The following RGS20 variants were observed in gnomAD, a reference collection of about 807,000 sequenced individuals.
RGS20 encodes gz-selective GTPase-activating protein.
RGS20 carries 30 observed loss-of-function variants against 33.6 expected under a neutral mutation model. That is an observed-to-expected ratio of 0.89 (90% CI 0.67 to 1.21). The LOEUF (loss-of-function observed/expected upper bound fraction) is 1.21. Among genes scored for constraint, RGS20 ranks in the 50% most tolerant of loss-of-function variants. The pLI, the probability that RGS20 is intolerant of heterozygous loss-of-function variation, is 0.00. For missense variants in RGS20, 472 were observed against 502.4 expected (o/e 0.94, Z 0.58); for synonymous variants, 208 against 197.9 (o/e 1.05, Z -0.43).
chr8:53,921,793 C>A (rs1396681660), intron 2 of RGS20, among the ~76,000 whole-genome samples: 7 of 152,036 alleles, frequency 4.6e-5, no homozygotes, highest in Non-Finnish European at 1.0e-4. Flanking sequence ...AAATAACTAA[C>A]TTTTGGTTTC....
intron 2 of RGS20, among the ~76,000 whole-genome samples, chr8:53,938,184 C>G (rs1814189384): frequency 6.6e-6 from 1 of 152,146 alleles, no homozygotes; most frequent in Admixed American, 6.5e-5. Context: ...ACATATACAC[C>G]ATGGAATTCT....
intron 2 of RGS20, among the ~76,000 whole-genome samples, chr8:53,903,876 G>A (rs1813096284): frequency 6.6e-6 from 1 of 152,154 alleles, no homozygotes; most frequent in Non-Finnish European, 1.5e-5. Flanking sequence ...TGGAGGCAGA[G>A]TGAGTGGCTG....
At chr8:53,952,088 A>AT (rs1208351643) in intron 4 of RGS20, among the ~76,000 whole-genome samples, 1 of 147,192 alleles carries the variant, frequency 6.8e-6, no homozygotes, top group Non-Finnish European at 1.5e-5. Context: ...CATCATTATT[A>AT]TTTTTTTGAG....
chr8:53,912,151 G>A (rs1443896603), intron 2 of RGS20, among the ~76,000 whole-genome samples: 2 of 152,086 alleles, frequency 1.3e-5, no homozygotes, highest in Admixed American at 6.6e-5. Context: ...GCTATGTGTT[G>A]CAAGCACATT....
At chr8:53,943,122 G>A (rs2129290711) in intron 3 of RGS20, among the ~76,000 whole-genome samples, 1 of 152,270 alleles carries the variant, frequency 6.6e-6, no homozygotes. Context: ...TTATGAATTG[G>A]AATGGTAAAC....
At chr8:53,947,714 C>T (rs7386153) in intron 4 of RGS20, among the ~76,000 whole-genome samples, 266 of 94,632 alleles carry the variant, frequency 2.8e-3, no homozygotes, top group African/African-American at 0.01. Flanking sequence ...GGATATAGTA[C>T]ATACATTTAT....
At chr8:53,947,647 A>T (rs1391695736) in intron 4 of RGS20, among the ~76,000 whole-genome samples, 1 of 94,596 alleles carries the variant, frequency 1.1e-5, no homozygotes, top group Non-Finnish European at 2.0e-5. Flanking sequence ...TATAGTACAT[A>T]CATTTATATA....
In RGS20 at chr8:53,954,183, TC is replaced by T; in HGVS notation, c.852del (p.Phe284LeufsTer15). ...TTCCGTGAATTCCTCCGAACAGAAT[TC>T]AGTGAGGAAAATATGCTCTTCTGGA... On this transcript the variant is annotated frameshift_variant, in exon 5 of 6. Coordinates refer to ENST00000297313, the MANE Select transcript of RGS20 (RefSeq NM_170587.4). LOFTEE classifies it high-confidence loss of function. 1 of 1,613,964 alleles carries T rather than the reference TC, an allele frequency of 6.2e-7. No individual in the cohort carries two copies. The highest frequency in any genetic ancestry group is 8.5e-7 in the Non-Finnish European group (1 of 1,179,888).
chr8:53,875,444 A>AAC (rs1812181409), intron 1 of RGS20, among the ~76,000 whole-genome samples: 1 of 147,934 alleles, frequency 6.8e-6, no homozygotes, highest in Non-Finnish European at 1.5e-5. Context: ...AAAAAAAAAA[A>AAC]AAAAAACCAA....
chr8:53,936,995 A>G (rs1211208314), intron 2 of RGS20, among the ~76,000 whole-genome samples: 1 of 152,220 alleles, frequency 6.6e-6, no homozygotes. Context: ...GCCATGGGGA[A>G]AGGATTCCCT....
At chr8:53,923,270 G>A (rs902251639) in intron 2 of RGS20, among the ~76,000 whole-genome samples, 3 of 150,546 alleles carry the variant, frequency 2.0e-5, no homozygotes, top group African/African-American at 7.5e-5. Context: ...AAAGAAACAA[G>A]AGCAGAAATA....
In RGS20 at chr8:53,932,149, T is replaced by C. The variant is rs574834686; in HGVS notation, c.511-7427T>C. Reference sequence around the variant, plus strand: ...TGCTGTTAGTCTGATGGGCTTCCCTTTGTGGGTAACCCGACCTTTCTCTCT... The same window carrying C: ...TGCTGTTAGTCTGATGGGCTTCCCTCTGTGGGTAACCCGACCTTTCTCTCT... On this transcript the variant is annotated intron_variant, in intron 2 of 5. Coordinates refer to ENST00000297313, the MANE Select transcript of RGS20 (RefSeq NM_170587.4). 3.3e-5 allele frequency among the ~76,000 whole-genome samples: 5 copies of C among 152,340 alleles called. No individual in the cohort carries two copies. In the East Asian group the frequency reaches 7.7e-4, roughly 24 times the overall value.
At chr8:53,949,267 A>ATG (rs1450908683) in intron 4 of RGS20, among the ~76,000 whole-genome samples, 42 of 147,876 alleles carry the variant, frequency 2.8e-4, no homozygotes, top group African/African-American at 9.6e-4. Flanking sequence ...TATATACTAT[A>ATG]TATAAGATAC....
chr8:53,890,414 A>G (rs998797870), intron 2 of RGS20, among the ~76,000 whole-genome samples: 4 of 152,148 alleles, frequency 2.6e-5, no homozygotes, highest in African/African-American at 7.2e-5. Context: ...GTGTGCCTGT[A>G]TCCATTTTTT....
chr8:53,920,310 C>T (rs1455907934), intron 2 of RGS20, among the ~76,000 whole-genome samples: 1 of 152,044 alleles, frequency 6.6e-6, no homozygotes, highest in Non-Finnish European at 1.5e-5. Flanking sequence ...TATATCACTT[C>T]CAGAATGTTC....
chr8:53,945,897 A>AC (rs913891543), intron 3 of RGS20, among the ~76,000 whole-genome samples: 8 of 152,132 alleles, frequency 5.3e-5, no homozygotes, highest in Non-Finnish European at 1.0e-4. Context: ...CAAAAAAAAA[A>AC]AAATAGCATT....
chr8:53,953,443 C>T (rs886319591), intron 4 of RGS20, among the ~76,000 whole-genome samples: 1 of 151,834 alleles, frequency 6.6e-6, no homozygotes, highest in Non-Finnish European at 1.5e-5. Flanking sequence ...ATCATATGAG[C>T]CTAGTAAGTC....
At chr8:53,950,147 A>G (rs1053059796) in intron 4 of RGS20, among the ~76,000 whole-genome samples, 2 of 152,170 alleles carry the variant, frequency 1.3e-5, no homozygotes, top group Non-Finnish European at 2.9e-5. Flanking sequence ...GCGTGTTAAC[A>G]CATTTCTTTA....
chr8:53,871,112 CAAAAAAAAAAA>C (rs370091533), intron 1 of RGS20, among the ~76,000 whole-genome samples: 1,134 of 21,504 alleles, frequency 0.053, 28 homozygotes, highest in African/African-American at 0.11. Flanking sequence ...CTCCATCTCA[CAAAAAAAAAAA>C]AAAAAAAAAA....
Sources: allele counts gnomAD v4.1 joint callset (sites outside exome capture counted in the v4.1 genomes callset), GRCh38; gene constraint gnomAD v4.1.1; transcripts MANE v1.5; gene names NCBI Gene and HGNC (gene_info 2026-07-23, HGNC 2026-07-21).